Variants in CDC40 observed in about 807,000 individuals in gnomAD.
CDC40 encodes the protein pre-mRNA-processing factor 17.
In CDC40, 27 loss-of-function variants were observed where a neutral mutation model predicts 80.6. The ratio of observed to expected loss-of-function variants is 0.33; its 90% CI spans 0.25 to 0.46. CDC40 has a LOEUF of 0.46. CDC40 is among the 20% of genes least tolerant of loss of function. The probability of loss-of-function intolerance (pLI) is 1.00; values close to 1 mark genes in which losing one functional copy is unlikely to be tolerated. For synonymous variants in CDC40, 221 were observed against 232.6 expected (o/e 0.95, Z 0.45); for missense variants, 486 against 694.1 (o/e 0.70, Z 3.37).
chr6:110,187,786 A>G (rs1777293830), intron 1 of CDC40, among the ~76,000 whole-genome samples: 1 of 152,246 alleles, frequency 6.6e-6, no homozygotes, highest in Admixed American at 6.5e-5. Context: ...CAACAAAAAG[A>G]TAAACTATTT....
intron 1 of CDC40, 49 bp from the exon 2 acceptor site, chr6:110,193,133 A>C (rs1198791429): frequency 8.7e-7 from 1 of 1,148,208 alleles, no homozygotes; most frequent in Non-Finnish European, 1.3e-6. Flanking sequence ...CTTCTAAAAT[A>C]AAATAGTCAT....
At position 110,187,048 on chromosome 6, in the gene CDC40, C is replaced by T. The variant is rs535005162; in HGVS notation, c.190-6134C>T. Among the ~76,000 whole-genome samples, 14 of 152,194 alleles carry T rather than the reference C, an allele frequency of 9.2e-5. No homozygotes were observed. In the East Asian group the frequency reaches 1.5e-3, roughly 17 times the overall value. ...GGCTGGAGTTGAGTGGCGCAATCTC[C>T]GCTCACTGCAAGCTCTGCCTCCTGG... On this transcript the variant is annotated intron_variant, in intron 1 of 14. Transcript: ENST00000307731.
chr6:110,193,435 C>T (rs1027045428), intron 2 of CDC40, among the ~76,000 whole-genome samples, 167 bp downstream of exon 2: 9 of 151,720 alleles, frequency 5.9e-5, no homozygotes, highest in African/African-American at 2.2e-4. Flanking sequence ...GACAGAGTCT[C>T]GCTCTGTCGC....
chr6:110,217,094 A>G (rs971217577), intron 9 of CDC40, among the ~76,000 whole-genome samples: 4 of 152,190 alleles, frequency 2.6e-5, no homozygotes, highest in Non-Finnish European at 4.4e-5. Flanking sequence ...GCAACAGAGC[A>G]AGACCCTATC....
intron 1 of CDC40, 62 bp from the exon 2 acceptor site, chr6:110,193,120 T>C: frequency 1.0e-6 from 1 of 974,960 alleles, no homozygotes; most frequent in African/African-American, 1.6e-5. Flanking sequence ...GACTTTAATG[T>C]GGCTTCTAAA....
At position 110,180,472 on chromosome 6, in the gene CDC40, G is replaced by C; in HGVS notation, c.28G>C (p.Ala10Pro). 2 of 1,614,144 alleles carry C rather than the reference G, an allele frequency of 1.2e-6. No homozygotes were observed. The highest frequency in any genetic ancestry group is 1.3e-5 in the African/African-American group (1 of 75,030). ...GTCGGCTGCGATTGCAGCTCTGGCC[G>C]CTTCCTATGGTTCGGGTTCAGGGTC... MSAAIAALA[A>P]SYGSGSGSES... Residue 10 changes from alanine (A) to proline (P), a missense_variant, in exon 1 of 15, where the codon GCT (alanine) becomes CCT (proline). Ala to Pro is a conservative substitution (Grantham distance 27, BLOSUM62 -1). Transcript: ENST00000307731.
intron 1 of CDC40, among the ~76,000 whole-genome samples, chr6:110,183,766 G>A (rs763522757): frequency 7.2e-5 from 11 of 152,114 alleles, no homozygotes; most frequent in African/African-American, 1.4e-4. Context: ...TTTTTGCAGC[G>A]TTTTTAATCT....
intron 6 of CDC40, chr6:110,211,158 A>G (rs868194535): frequency 6.5e-6 from 1 of 152,884 alleles, no homozygotes; most frequent in Middle Eastern, 3.1e-3. Flanking sequence ...AAATGTTTTT[A>G]ATGAAGCCAA....
At chr6:110,215,461 G>A (rs1343025277) in intron 9 of CDC40, 130 bp downstream of exon 9, 17 of 753,216 alleles carry the variant, frequency 2.3e-5, no homozygotes, top group Non-Finnish European at 3.1e-5. Context: ...CTGGAAGGAG[G>A]AGTCAGTGTC....
In CDC40 at chr6:110,207,601, G is replaced by T; in HGVS notation, c.490+12G>T. ...TGAAAAAAATCAAGGTAATTTATTT[G>T]AAACATTTGATATCATATATACCTA... On this transcript the variant is annotated intron_variant, in intron 4 of 14. Transcript: ENST00000307731. The T allele has an allele frequency of 7.4e-7, 1 of 1,357,832 alleles. No individual in the cohort carries two copies. 84.1% of individuals were successfully genotyped at this position (1,357,832 alleles called of 1,614,324 possible).
At chr6:110,195,598 A>G (rs1451064641) in intron 2 of CDC40, among the ~76,000 whole-genome samples, 1 of 152,212 alleles carries the variant, frequency 6.6e-6, no homozygotes, top group Non-Finnish European at 1.5e-5. Context: ...AAATCAGATA[A>G]TGTATGATAT....
At chr6:110,190,256 T>C (rs1208420525) in intron 1 of CDC40, among the ~76,000 whole-genome samples, 2 of 152,216 alleles carry the variant, frequency 1.3e-5, no homozygotes, top group Admixed American at 1.3e-4. Context: ...ATAAAGGCAT[T>C]GCCTAAGGTA....
chr6:110,219,169 C>T (rs1323842058), intron 10 of CDC40, among the ~76,000 whole-genome samples, 195 bp from the exon 11 acceptor site: 1 of 151,880 alleles, frequency 6.6e-6, no homozygotes, highest in Non-Finnish European at 1.5e-5. Context: ...ATTGGTAGTA[C>T]CGATTTACTT....
chr6:110,228,692 GGTATA>G (rs1777896347), intron 13 of CDC40, 135 bp from the exon 14 acceptor site: 2 of 580,658 alleles, frequency 3.4e-6, no homozygotes, highest in Non-Finnish European at 5.7e-6. Flanking sequence ...TTTTACAGGT[GGTATA>G]GTAAATTTAT....
chr6:110,206,022 T>G (rs1777556814), intron 3 of CDC40, among the ~76,000 whole-genome samples: 1 of 152,166 alleles, frequency 6.6e-6, no homozygotes, highest in African/African-American at 2.4e-5. Flanking sequence ...AGGTGGTTGG[T>G]TCTGTTATAG....
intron 1 of CDC40, among the ~76,000 whole-genome samples, chr6:110,192,867 G>A (rs1777369574): frequency 6.6e-6 from 1 of 152,116 alleles, no homozygotes; most frequent in Non-Finnish European, 1.5e-5. Flanking sequence ...TGGCAGTAGA[G>A]GTTCGGGTCT....
intron 2 of CDC40, among the ~76,000 whole-genome samples, chr6:110,200,750 C>T (rs904268425): frequency 6.6e-6 from 1 of 152,090 alleles, no homozygotes; most frequent in South Asian, 2.1e-4. Flanking sequence ...AATACATTGC[C>T]TTTGGGGGTT....
intron 1 of CDC40, among the ~76,000 whole-genome samples, chr6:110,189,802 C>T (rs1162727383): frequency 6.6e-6 from 1 of 152,192 alleles, no homozygotes; most frequent in East Asian, 1.9e-4. Context: ...GACACCCCAT[C>T]TGTTCTGTTT....
intron 1 of CDC40, among the ~76,000 whole-genome samples, chr6:110,184,588 A>G (rs1242394607): frequency 2.0e-5 from 3 of 149,618 alleles, no homozygotes; most frequent in Non-Finnish European, 4.5e-5. Context: ...ATATGACAGT[A>G]TTTTTTCTTT....
Sources: allele counts gnomAD v4.1 joint callset (sites outside exome capture counted in the v4.1 genomes callset), GRCh38; gene constraint gnomAD v4.1.1; transcripts MANE v1.5; gene names NCBI Gene and HGNC (gene_info 2026-07-23, HGNC 2026-07-21).